The following PPP3CA variants were observed in gnomAD, a reference collection of about 807,000 sequenced individuals.
The protein encoded by PPP3CA is CAM-PRP catalytic subunit.
In PPP3CA, 14 loss-of-function variants were observed where a neutral mutation model predicts 66.5. That is an observed-to-expected ratio of 0.21 (90% CI 0.14 to 0.33). The LOEUF is 0.33. Among genes scored for constraint, PPP3CA ranks in the 10% least tolerant of loss-of-function variants. The probability of loss-of-function intolerance (pLI) is 1.00; values close to 1 mark genes in which losing one functional copy is unlikely to be tolerated. For missense variants in PPP3CA, 317 were observed against 639.5 expected (o/e 0.50, Z 5.44); for synonymous variants, 232 against 226.2 (o/e 1.03, Z -0.23).
At chr4:101,274,762 T>C (rs1224195308) in intron 1 of PPP3CA, among the ~76,000 whole-genome samples, 1 of 152,136 alleles carries the variant, frequency 6.6e-6, no homozygotes, top group Non-Finnish European at 1.5e-5. Context: ...AAGCTTTCCT[T>C]CCCACAAATC....
chr4:101,231,246 A>AG (rs1362729555), intron 1 of PPP3CA, among the ~76,000 whole-genome samples: 1 of 151,674 alleles, frequency 6.6e-6, no homozygotes, highest in African/African-American at 2.4e-5. Flanking sequence ...GCTTTCCTCT[A>AG]GGGGGAGAAT....
At chr4:101,105,176 T>G (rs1730607776) in intron 3 of PPP3CA, among the ~76,000 whole-genome samples, 1 of 151,588 alleles carries the variant, frequency 6.6e-6, no homozygotes, top group Admixed American at 6.6e-5. Flanking sequence ...TCCTTTTTTT[T>G]TTTTTCTTTA....
At chr4:101,229,195 A>C (rs3804390) in intron 1 of PPP3CA, among the ~76,000 whole-genome samples, 101,418 of 151,362 alleles carry the variant, frequency 0.67, 34,893 homozygotes, top group Middle Eastern at 0.76. Context: ...TAAGTGACAA[A>C]TTGAACACGA....
At chr4:101,333,270 G>GTTTTTTTTTTTTTTTTTTTTTTTTTT (rs70961788) in intron 1 of PPP3CA, among the ~76,000 whole-genome samples, 1 of 47,270 alleles carries the variant, frequency 2.1e-5, no homozygotes, top group Non-Finnish European at 5.0e-5. Context: ...ACCATGCCCA[G>GTTTTTTTTTTTTTTTTTTTTTTTTTT]TTTTTTTTTT....
At chr4:101,091,551 T>C (rs1729942335) in intron 6 of PPP3CA, among the ~76,000 whole-genome samples, 1 of 152,066 alleles carries the variant, frequency 6.6e-6, no homozygotes, top group Non-Finnish European at 1.5e-5. Flanking sequence ...CACTAGATTT[T>C]CTATTCATGA....
intron 1 of PPP3CA, among the ~76,000 whole-genome samples, chr4:101,277,435 T>C (rs1276834562): frequency 2.0e-5 from 3 of 152,196 alleles, no homozygotes; most frequent in African/African-American, 7.2e-5. Flanking sequence ...AAAAATTTAG[T>C]AACAAAGTTA....
chr4:101,110,766 T>C (rs1721643168), intron 2 of PPP3CA, among the ~76,000 whole-genome samples: 1 of 152,212 alleles, frequency 6.6e-6, no homozygotes, highest in South Asian at 2.1e-4. Context: ...CTTGTAATCA[T>C]ATGTGATATC....
intron 2 of PPP3CA, among the ~76,000 whole-genome samples, chr4:101,129,635 C>T (rs1722363145): frequency 6.6e-6 from 1 of 152,208 alleles, no homozygotes. Flanking sequence ...CAAACTCCAG[C>T]AGACCTGCAG....
chr4:101,101,360 A>G, intron 3 of PPP3CA, among the ~76,000 whole-genome samples: 1 of 152,182 alleles, frequency 6.6e-6, no homozygotes, highest in African/African-American at 2.4e-5. Flanking sequence ...AGCTTGTCTC[A>G]CATTTCAGGG....
chr4:101,111,827 A>T (rs929880461), intron 2 of PPP3CA, among the ~76,000 whole-genome samples: 5 of 152,182 alleles, frequency 3.3e-5, no homozygotes, highest in African/African-American at 1.2e-4. Flanking sequence ...CTGGAGTCTA[A>T]TAAGAATTTA....
chr4:101,111,849 ATCAAAATGGCATT>A (rs1721681044), intron 2 of PPP3CA, among the ~76,000 whole-genome samples: 1 of 152,202 alleles, frequency 6.6e-6, no homozygotes, highest in South Asian at 2.1e-4. Context: ...CAGATGCTGT[ATCAAAATGGCATT>A]TCAAAATGGC....
chr4:101,105,200 C>A (rs1344377191), intron 3 of PPP3CA, among the ~76,000 whole-genome samples: 1 of 142,282 alleles, frequency 7.0e-6, no homozygotes, highest in Non-Finnish European at 1.5e-5. Context: ...TGGAGTCTTG[C>A]TCTGTTGCTA....
intron 1 of PPP3CA, among the ~76,000 whole-genome samples, chr4:101,212,187 G>A (rs1273100362): frequency 6.6e-6 from 1 of 151,938 alleles, no homozygotes; most frequent in African/African-American, 2.4e-5. Flanking sequence ...CTCTCATTTG[G>A]CATATATATC....
rs147487391 is a variant in PPP3CA at position 101,058,149 on chromosome 4, T to C, written c.1156+2938A>G. On this transcript the variant is annotated intron_variant, in intron 10 of 13. Transcript: ENST00000394854. ...TTAAATTGTCTATCCCTAAAAATTA[T>C]ATAGCAATAATCTTATCTCTTTCTG... Among the ~76,000 whole-genome samples, 13 of 152,306 alleles carry C rather than the reference T, an allele frequency of 8.5e-5. No individual in the cohort carries two copies. In the East Asian group the frequency reaches 2.5e-3, roughly 29 times the overall value.
At chr4:101,117,259 G>A (rs149574748) in intron 2 of PPP3CA, among the ~76,000 whole-genome samples, 65 of 151,790 alleles carry the variant, frequency 4.3e-4, no homozygotes, top group African/African-American at 1.2e-3. Flanking sequence ...TTCTCAGTTC[G>A]TAACTGTAAT....
chr4:101,296,891 T>C (rs545393485), intron 1 of PPP3CA, among the ~76,000 whole-genome samples: 1 of 152,198 alleles, frequency 6.6e-6, no homozygotes, highest in Admixed American at 6.5e-5. Context: ...GCCCCTTCTA[T>C]AACACCAATC....
At chr4:101,162,907 T>C (rs1008570718) in intron 2 of PPP3CA, among the ~76,000 whole-genome samples, 2 of 152,180 alleles carry the variant, frequency 1.3e-5, no homozygotes, top group African/African-American at 4.8e-5. Flanking sequence ...CTCTGAGCTA[T>C]AGGAGCTGGA....
At chr4:101,113,294 GATCT>G (rs1286248344) in intron 2 of PPP3CA, among the ~76,000 whole-genome samples, 1 of 152,014 alleles carries the variant, frequency 6.6e-6, no homozygotes, top group Non-Finnish European at 1.5e-5. Context: ...CAAGCTCTTG[GATCT>G]ATCCTTACCT....
At chr4:101,046,620 T>G (rs917679957) in intron 10 of PPP3CA, among the ~76,000 whole-genome samples, 10 of 152,160 alleles carry the variant, frequency 6.6e-5, no homozygotes, top group African/African-American at 2.4e-4. Flanking sequence ...TAATCCAAAT[T>G]CTGAGAAAAT....
Sources: gnomAD v4.1 joint callset for allele counts (sites outside exome capture counted in the v4.1 genomes callset) on GRCh38, gnomAD v4.1.1 for gene constraint, MANE v1.5 for transcripts, NCBI Gene and HGNC (gene_info 2026-07-23, HGNC 2026-07-21) for gene names.